MYO15B: variants seen among roughly 807,000 people sequenced by gnomAD.
MYO15B encodes the protein myosin XVB, also known as myosin XVB pseudogene.
A neutral mutation model predicts 119.3 loss-of-function variants in MYO15B; 207 were observed. That is an observed-to-expected ratio of 1.73 (90% confidence interval 1.55 to 1.95). MYO15B has a LOEUF of 1.95. MYO15B is among the 30% of genes most tolerant of loss of function. The pLI, the probability that MYO15B is intolerant of heterozygous loss-of-function variation, is 0.00. For missense variants in MYO15B, 2,264 were observed against 1,203.1 expected, an observed-to-expected ratio of 1.88 and a Z score of -13.04; for synonymous variants, 966 against 498.9, an observed-to-expected ratio of 1.94 and a Z score of -12.48.
At chr17:75,596,597 A>G (rs1415875517) in intron 13 of MYO15B, 42 bp downstream of exon 13, 2 of 701,728 alleles carry the variant, frequency 2.9e-6, no homozygotes, top group South Asian at 3.0e-5. Context: ...CCGCTCAGGC[A>G]TTGCCCAGGC....
exon 28 of MYO15B, chr17:75,613,446 G>A: frequency 1.5e-6 from 1 of 680,614 alleles, no homozygotes; most frequent in Non-Finnish European, 2.6e-6. Flanking sequence ...GGGGCCGCAT[G>A]GCGCTGGATG....
intron 22 of MYO15B, 83 bp downstream of exon 22, chr17:75,610,342 A>G (rs1395280411): frequency 4.9e-6 from 3 of 611,220 alleles, no homozygotes; most frequent in Admixed American, 5.3e-5. Flanking sequence ...AGCAGCGTTG[A>G]CCCTCTCAGC....
At chr17:75,618,325 A>G (rs1221841400) in intron 43 of MYO15B, 140 bp downstream of exon 43, 2 of 634,606 alleles carry the variant, frequency 3.2e-6, no homozygotes, top group Non-Finnish European at 5.8e-6. Flanking sequence ...GTGTGCCCAG[A>G]CCTGCCTTCA....
At chr17:75,604,708 G>C (rs1568155048) in intron 19 of MYO15B, among the ~76,000 whole-genome samples, 1 of 151,832 alleles carries the variant, frequency 6.6e-6, no homozygotes, top group East Asian at 1.9e-4. Flanking sequence ...GAGCTCCAGC[G>C]CAGAGACCCT....
rs191095669 is a variant in MYO15B at position 75,610,078 on chromosome 17, T to C, written c.4293-88T>C. The stretch of plus-strand genomic sequence containing the variant: ...CTCTGGTCCAAAGTCAGTTTTTACA[T>C]GAATGTCAGGCTTAAGGGATTCCAG... On this transcript the variant is annotated intron_variant, in intron 21 of 63. Coordinates refer to ENST00000645453, the Ensembl canonical transcript of MYO15B. 4.3e-5 allele frequency: 24 copies of C among 559,390 alleles called. No homozygotes were observed. In the East Asian group the frequency reaches 4.8e-4, roughly 11 times the overall value. 34.7% of individuals were successfully genotyped at this position (559,390 alleles called of 1,614,324 possible). A position where few individuals can be genotyped will look rare whatever the true frequency, so the allele number is the denominator to read the frequency against.
At chr17:75,603,286 T>C (rs1375286013) in exon 19 of MYO15B, 1 of 703,084 alleles carries the variant, frequency 1.4e-6, no homozygotes. Flanking sequence ...TCCCCGTGCG[T>C]GTGCCCTTTG....
At chr17:75,591,757 T>C (rs1332063992) in intron 5 of MYO15B, 45 bp downstream of exon 5, 1 of 702,694 alleles carries the variant, frequency 1.4e-6, no homozygotes. Context: ...GCTGGCCGTC[T>C]GTCTTCCTCC....
At chr17:75,602,879 G>A (rs60721631) in exon 17 of MYO15B, 106 of 678,750 alleles carry the variant, frequency 1.6e-4, no homozygotes, top group Non-Finnish European at 2.5e-4. Context: ...AGGGGAGGGC[G>A]AGGCAGACCC....
rs948202331 is a variant in MYO15B at position 75,594,834 on chromosome 17, C to T, written c.3165-6C>T. Reference sequence around the variant, plus strand: ...TATGTGGCTCACCCACCCGCCATGCCTACAGGGACGCCCTGGCCAAGGCAC... The same window carrying T: ...TATGTGGCTCACCCACCCGCCATGCTTACAGGGACGCCCTGGCCAAGGCAC... On this transcript the variant is annotated splice_polypyrimidine_tract_variant and splice_region_variant and intron_variant, in intron 11 of 63. Transcript: ENST00000645453. The T allele has an allele frequency of 1.0e-5, 7 of 702,908 alleles. No individual in the cohort carries two copies. Among genetic ancestry groups the T allele is most frequent in the African/African-American group, 1.7e-5 (1 of 57,284 alleles). 43.5% of individuals were successfully genotyped at this position (702,908 alleles called of 1,614,324 possible).
intron 14 of MYO15B, among the ~76,000 whole-genome samples, chr17:75,599,604 A>T (rs1406255741): frequency 2.0e-5 from 3 of 151,812 alleles, no homozygotes; most frequent in African/African-American, 7.3e-5. Context: ...TCTTTGAAAG[A>T]CTTGGTTAAA....
intron 21 of MYO15B, among the ~76,000 whole-genome samples, chr17:75,608,708 C>A (rs1377332526): frequency 1.3e-5 from 2 of 150,668 alleles, no homozygotes; most frequent in African/African-American, 4.8e-5. Flanking sequence ...CGGGCATAGG[C>A]CACCAAGCCC....
chr17:75,611,740 C>G (rs1458157899), intron 24 of MYO15B, 82 bp downstream of exon 24: 1 of 698,700 alleles, frequency 1.4e-6, no homozygotes. Flanking sequence ...TGTGGTTCCT[C>G]CCTCTGATGC....
Position 75,594,982 on chromosome 17 carries a change from TGGGGTG to T in MYO15B, c.3297+14_3297+19del. On this transcript the variant is annotated intron_variant, in intron 12 of 63. Coordinates refer to ENST00000645453, the Ensembl canonical transcript of MYO15B. The stretch of plus-strand genomic sequence containing the variant: ...TGCCTACGGCTTTGAGGTCACCCCT[TGGGGTG>T]GGGCCCAGGAAAGGGGGCACCCATA... The T allele has an allele frequency of 1.4e-6, 1 of 702,834 alleles. No homozygotes were observed. Among genetic ancestry groups the T allele is most frequent in the South Asian group, 1.5e-5 (1 of 67,600 alleles). 43.5% of individuals were successfully genotyped at this position (702,834 alleles called of 1,614,324 possible).
intron 53 of MYO15B, 59 bp from the exon 54 acceptor site, chr17:75,623,722 T>A (rs2058837766): frequency 2.9e-6 from 2 of 699,706 alleles, no homozygotes; most frequent in Non-Finnish European, 5.2e-6. Context: ...CTCCAGGGCT[T>A]CAGACCCCAG....
intron 4 of MYO15B, 121 bp from the exon 5 acceptor site, chr17:75,591,480 C>T: frequency 3.1e-6 from 2 of 655,280 alleles, no homozygotes; most frequent in Non-Finnish European, 5.6e-6. Flanking sequence ...TATCTTTCCA[C>T]ATTTATGGGG....
chr17:75,615,193 G>A (rs1334811192), intron 33 of MYO15B, 47 bp from the exon 34 acceptor site: 3 of 690,556 alleles, frequency 4.3e-6, no homozygotes, highest in East Asian at 2.7e-5. Flanking sequence ...GAGGGAGGTG[G>A]CATGTGGGCC....
At position 75,619,386 on chromosome 17, in the gene MYO15B, C is replaced by CA. The variant is rs1568212829; in HGVS notation, c.7093dup (p.Thr2365AsnfsTer109). On this transcript the variant is annotated frameshift_variant, in exon 45 of 64. Coordinates refer to ENST00000645453, the Ensembl canonical transcript of MYO15B. LOFTEE classifies it high-confidence loss of function. The stretch of plus-strand genomic sequence containing the variant: ...GCTTGGAGGTGGACCTGGATTCTCT[C>CA]ACCACCACCGAAGACAGCGTCAAGA... The CA allele has an allele frequency of 1.4e-6, 1 of 702,690 alleles. No homozygotes were observed. 43.5% of individuals were successfully genotyped at this position (702,690 alleles called of 1,614,324 possible). A position where few individuals can be genotyped will look rare whatever the true frequency, so the allele number is the denominator to read the frequency against.
chr17:75,624,733 G>A (rs1027152469), intron 58 of MYO15B, 38 bp from the exon 59 acceptor site: 1 of 702,590 alleles, frequency 1.4e-6, no homozygotes, highest in Non-Finnish European at 2.6e-6. Context: ...CCGGGTGTGT[G>A]TGGTCTGAGC....
exon 9 of MYO15B, chr17:75,592,821 T>C (rs1325520460): frequency 2.8e-6 from 2 of 702,382 alleles, no homozygotes; most frequent in Non-Finnish European, 5.2e-6. Flanking sequence ...CTGGGCAACA[T>C]CTGCTTCTCC....
Sources: allele counts gnomAD v4.1 joint callset (sites outside exome capture counted in the v4.1 genomes callset), GRCh38; gene constraint gnomAD v4.1.1; transcripts MANE v1.5; gene names NCBI Gene and HGNC (gene_info 2026-07-23, HGNC 2026-07-21).